Variants in ATAD2 observed in about 807,000 individuals in gnomAD.
ATAD2 encodes the protein ATPase family AAA domain-containing protein 2.
ATAD2 carries 62 observed loss-of-function variants against 168.9 expected under a neutral mutation model. The observed-to-expected ratio is 0.37, with a 90% CI of 0.30 to 0.45. The LOEUF (loss-of-function observed/expected upper bound fraction) is 0.45. ATAD2 is among the 20% of genes least tolerant of loss of function. The pLI, the probability that ATAD2 is intolerant of heterozygous loss-of-function variation, is 1.00. For synonymous variants in ATAD2, 613 were observed against 571.6 expected, an observed-to-expected ratio of 1.07 and a Z score of -1.03; for missense variants, 1,419 against 1,667.8, an observed-to-expected ratio of 0.85 and a Z score of 2.60.
At chr8:123,384,418 T>A (rs1829587695) in intron 1 of ATAD2, among the ~76,000 whole-genome samples, 1 of 152,238 alleles carries the variant, frequency 6.6e-6, no homozygotes, top group Non-Finnish European at 1.5e-5. Flanking sequence ...ATGCTTAGAC[T>A]GAAAAAGATC....
At chr8:123,383,303 C>A (rs2129873952) in intron 1 of ATAD2, among the ~76,000 whole-genome samples, 1 of 152,090 alleles carries the variant, frequency 6.6e-6, no homozygotes, top group South Asian at 2.1e-4. Flanking sequence ...ATGTAACAAA[C>A]CTGCACATTC....
At chr8:123,375,006 G>A (rs888790156) in intron 2 of ATAD2, among the ~76,000 whole-genome samples, 1 of 151,734 alleles carries the variant, frequency 6.6e-6, no homozygotes, top group South Asian at 2.1e-4. Flanking sequence ...TGAAAACAAA[G>A]AGTAAAAAAA....
Position 123,369,945 on chromosome 8 carries a change from G to T in ATAD2, c.807C>A (p.Asp269Glu), listed in dbSNP as rs113160199. ...DEDDEDDDDD[D>E]DDDDDDDDED... ...CATCATCATCATCATCATCATCATC[G>T]TCATCATCATCATCATCTTCATCAT... The change falls in exon 7 of 28, where the codon GAC (aspartate) becomes GAA (glutamate). Residue 269 changes from aspartate to glutamate, a missense_variant. Physicochemically the swap from Asp to Glu is conservative, Grantham distance 45. This residue lies in a region of ATAD2 where 419 missense variants were observed against 423.5 expected (regional missense o/e 0.99). Transcript: ENST00000287394. 5 of 1,497,652 alleles carry T rather than the reference G, an allele frequency of 3.3e-6. No individual in the cohort carries two copies. The highest frequency in any genetic ancestry group is 4.5e-6 in the Non-Finnish European group (5 of 1,106,468). 92.8% of individuals were successfully genotyped at this position (1,497,652 alleles called of 1,614,324 possible). A position where few individuals can be genotyped will look rare whatever the true frequency, so the allele number is the denominator to read the frequency against.
At chr8:123,336,288 A>G in intron 22 of ATAD2, 85 bp downstream of exon 22, 2 of 1,176,404 alleles carry the variant, frequency 1.7e-6, no homozygotes, top group South Asian at 1.5e-5. Flanking sequence ...TTATGTTTAT[A>G]ATATAGCACC....
rs1827895885 is a variant in ATAD2, at chr8:123,335,703, T to C, written c.3211+670A>G. ...TTTTATTTTTAAAAATTTGTAAAAA[T>C]GTATGGGGTGCAAGTGTAATTTTTG... On this transcript the variant is annotated intron_variant, in intron 22 of 27. Coordinates refer to ENST00000287394, the MANE Select transcript of ATAD2 (RefSeq NM_014109.4). Among the ~76,000 whole-genome samples, 3 of 152,142 alleles carry C rather than the reference T, an allele frequency of 2.0e-5. No homozygotes were observed. In the South Asian group the frequency reaches 6.2e-4, roughly 31 times the overall value.
intron 1 of ATAD2, among the ~76,000 whole-genome samples, chr8:123,409,695 C>A (rs925149601): frequency 6.6e-6 from 1 of 151,872 alleles, no homozygotes; most frequent in African/African-American, 2.4e-5. Context: ...TGGCTGGGCA[C>A]AGGGGCTCGC....
chr8:123,373,966 A>G (rs564949848), intron 2 of ATAD2, among the ~76,000 whole-genome samples: 6 of 152,302 alleles, frequency 3.9e-5, no homozygotes, highest in African/African-American at 1.4e-4. Context: ...AAAGTAAAAT[A>G]AAACCATCTT....
intron 27 of ATAD2, among the ~76,000 whole-genome samples, chr8:123,321,751 T>G (rs1020366949): frequency 2.6e-5 from 4 of 151,878 alleles, no homozygotes; most frequent in Admixed American, 1.3e-4. Context: ...CTAGGCAACA[T>G]AGCAAAACCT....
intron 24 of ATAD2, among the ~76,000 whole-genome samples, chr8:123,329,067 C>T (rs138116750): frequency 0.023 from 3,517 of 152,150 alleles, 141 homozygotes; most frequent in African/African-American, 0.081. Flanking sequence ...TCCCAAAGTG[C>T]TGGGATTACA....
chr8:123,356,218 C>T (rs1023634401), intron 13 of ATAD2, 171 bp downstream of exon 13: 3 of 400,190 alleles, frequency 7.5e-6, no homozygotes, highest in African/African-American at 4.2e-5. Flanking sequence ...GTATGAGCCA[C>T]TGCAACCATC....
intron 1 of ATAD2, among the ~76,000 whole-genome samples, chr8:123,390,167 C>T (rs542104213): frequency 3.3e-5 from 5 of 151,388 alleles, no homozygotes; most frequent in South Asian, 2.1e-4. Flanking sequence ...TTAGTAGAGA[C>T]GGGATTTCAC....
At chr8:123,408,443 T>A (rs968802823) in intron 1 of ATAD2, among the ~76,000 whole-genome samples, 2 of 152,174 alleles carry the variant, frequency 1.3e-5, no homozygotes, top group East Asian at 3.9e-4. Flanking sequence ...GGGGCAGAGA[T>A]TATTCATGGT....
chr8:123,382,878 A>G (rs1278891778), intron 1 of ATAD2, among the ~76,000 whole-genome samples: 2 of 152,240 alleles, frequency 1.3e-5, no homozygotes, highest in African/African-American at 4.8e-5. Flanking sequence ...TCATTCTACT[A>G]TAAAAACACA....
In ATAD2 at chr8:123,347,297, G is replaced by A; in HGVS notation, c.2007C>T (p.Leu669=). 1 of 1,614,018 alleles carries A rather than the reference G, an allele frequency of 6.2e-7. No individual in the cohort carries two copies. Among genetic ancestry groups the A allele is most frequent in the Non-Finnish European group, 8.5e-7 (1 of 1,180,012 alleles). ...YTTSEKLQLD[L]SSINISAKDF... ...CCTTAGCTGAGATATTAATTGAAGA[G>A]AGATCCAACTGCAGTTTCTCACTAG... Residue 669 remains leucine (L), a synonymous_variant, in exon 16 of 28, where the codon CTC becomes CTT. Transcript: ENST00000287394.
intron 1 of ATAD2, among the ~76,000 whole-genome samples, chr8:123,388,612 C>T (rs183195155): frequency 9.9e-5 from 15 of 152,054 alleles, no homozygotes; most frequent in African/African-American, 3.6e-4. Flanking sequence ...TTGAACTCCT[C>T]GGCTCAAGTT....
chr8:123,376,112 A>G (rs1473255236), intron 2 of ATAD2, among the ~76,000 whole-genome samples: 1 of 151,334 alleles, frequency 6.6e-6, no homozygotes, highest in African/African-American at 2.4e-5. Context: ...CTCAAAATAA[A>G]AAAAAAAATT....
intron 19 of ATAD2, chr8:123,344,443 T>A (rs1444794114): frequency 6.4e-6 from 1 of 157,314 alleles, no homozygotes; most frequent in Non-Finnish European, 1.4e-5. Flanking sequence ...CCTCCAGGGT[T>A]CATGCCATTC....
intron 2 of ATAD2, among the ~76,000 whole-genome samples, chr8:123,375,875 A>T (rs1319015812): frequency 2.0e-5 from 3 of 149,956 alleles, no homozygotes; most frequent in African/African-American, 7.4e-5. Context: ...TTGGGGGCTC[A>T]GACAGGTGGA....
rs915222654 is a variant in ATAD2, at chr8:123,326,107, A to C, written c.3869-81T>G. On this transcript the variant is annotated intron_variant, in intron 25 of 27. Coordinates refer to ENST00000287394, the MANE Select transcript of ATAD2 (RefSeq NM_014109.4). ...AATAAATAATAATATTAGGCAGATT[A>C]AACAGGGCATGTTTACTAAGGACAT... 4.8e-6 allele frequency: 7 copies of C among 1,444,036 alleles called. 1 individual carries two copies. The highest frequency in any genetic ancestry group is 2.0e-5 in the Admixed American group (1 of 50,980). 89.5% of individuals were successfully genotyped at this position (1,444,036 alleles called of 1,614,324 possible). A position where few individuals can be genotyped will look rare whatever the true frequency, so the allele number is the denominator to read the frequency against.
Sources: gnomAD v4.1 joint callset for allele counts (sites outside exome capture counted in the v4.1 genomes callset) on GRCh38, gnomAD v4.1.1 for gene constraint, gnomAD v4.1.1 regional missense constraint, MANE v1.5 for transcripts, NCBI Gene and HGNC (gene_info 2026-07-23, HGNC 2026-07-21) for gene names.